SDK2: variants seen among roughly 807,000 people sequenced by gnomAD.
The protein encoded by SDK2 is sidekick cell adhesion molecule 2.
A neutral mutation model predicts 253.9 loss-of-function variants in SDK2; 105 were observed. That is an observed-to-expected ratio of 0.41 (90% CI 0.35 to 0.49). SDK2 has a LOEUF of 0.49. Among genes scored for constraint, SDK2 ranks in the 20% least tolerant of loss-of-function variants. SDK2 has a pLI of 0.06. For synonymous variants in SDK2, 1,249 were observed against 1,234.9 expected (o/e 1.01, Z -0.24); for missense variants, 2,608 against 3,003.0 (o/e 0.87, Z 3.07).
At chr17:73,560,013 C>A (rs1264082289) in intron 1 of SDK2, among the ~76,000 whole-genome samples, 1 of 152,164 alleles carries the variant, frequency 6.6e-6, no homozygotes, top group Non-Finnish European at 1.5e-5. Context: ...TGGGCCATCA[C>A]ACCACGGGAA....
chr17:73,445,259 T>G (rs1351104222), intron 5 of SDK2, among the ~76,000 whole-genome samples: 1 of 152,226 alleles, frequency 6.6e-6, no homozygotes, highest in Admixed American at 6.5e-5. Context: ...AACTTCTTGT[T>G]ATGTTGGGTT....
intron 2 of SDK2, among the ~76,000 whole-genome samples, chr17:73,506,519 C>T (rs983855579): frequency 1.3e-5 from 2 of 152,188 alleles, no homozygotes; most frequent in Non-Finnish European, 2.9e-5. Flanking sequence ...GCTGGTTCTC[C>T]AGAAGGACAG....
chr17:73,468,646 G>C (rs765633961), intron 3 of SDK2, among the ~76,000 whole-genome samples: 17 of 151,770 alleles, frequency 1.1e-4, no homozygotes, highest in Non-Finnish European at 2.4e-4. Flanking sequence ...CAATTAGCTG[G>C]GACTACAGGC....
At position 73,415,820 on chromosome 17, in the gene SDK2, G is replaced by A; in HGVS notation, c.2359C>T (p.Leu787=). Residue 787 remains leucine, a synonymous_variant, in exon 17 of 45, where the codon CTG becomes TTG. Transcript: ENST00000392650. Reference sequence around the variant, plus strand: ...CACAGTCTCTACCTACCTCCCTGCAGCGTCCACTCGGTGACTTTACTGCTG... The same window carrying A: ...CACAGTCTCTACCTACCTCCCTGCAACGTCCACTCGGTGACTTTACTGCTG... ...VYSSKVTEWT[L]QGVPTVPPGN... The A allele has an allele frequency of 1.9e-6, 3 of 1,552,536 alleles. No individual in the cohort carries two copies. The highest frequency in any genetic ancestry group is 2.6e-6 in the Non-Finnish European group (3 of 1,147,452).
rs975256339 is a variant in SDK2 at position 73,447,360 on chromosome 17, C to T, written c.613+255G>A. ...CCTGGTAGCCCTGCTAACAGTTGTG[C>T]TAAGCATCCTCTCTACCGATGCAGG... On this transcript the variant is annotated intron_variant, in intron 5 of 44. Transcript: ENST00000392650. This position sits in a 1 kb window ranked among gnomAD's most constrained non-coding sequence, Gnocchi z 4.0. Among the ~76,000 whole-genome samples, 2 of 152,144 alleles carry T rather than the reference C, an allele frequency of 1.3e-5. No individual in the cohort carries two copies. The highest frequency in any genetic ancestry group is 4.8e-5 in the African/African-American group (2 of 41,426).
At chr17:73,364,867 C>A (rs1269744953) in intron 38 of SDK2, among the ~76,000 whole-genome samples, 4 of 152,156 alleles carry the variant, frequency 2.6e-5, no homozygotes, top group African/African-American at 9.7e-5. Flanking sequence ...AGGTGATCCA[C>A]CCGCCTCAGC....
intron 1 of SDK2, among the ~76,000 whole-genome samples, chr17:73,550,335 G>T (rs1173277813): frequency 2.0e-5 from 3 of 152,324 alleles, no homozygotes; most frequent in Admixed American, 2.0e-4. Context: ...TACGTCCCCA[G>T]GAAGGGACCC....
intron 3 of SDK2, among the ~76,000 whole-genome samples, chr17:73,469,320 G>C (rs575724973): frequency 6.6e-6 from 1 of 152,314 alleles, no homozygotes; most frequent in Non-Finnish European, 1.5e-5. Flanking sequence ...GCATCACCCA[G>C]GGTGGTCCAG....
At chr17:73,601,782 C>A (rs547993861) in intron 1 of SDK2, among the ~76,000 whole-genome samples, 3 of 151,124 alleles carry the variant, frequency 2.0e-5, no homozygotes, top group Admixed American at 2.0e-4. Flanking sequence ...CCTGCTTTTT[C>A]GCCCAGGCTG....
At chr17:73,350,896 G>A (rs1382922308) in intron 41 of SDK2, 106 bp from the exon 42 acceptor site, 1 of 1,202,154 alleles carries the variant, frequency 8.3e-7, no homozygotes, top group East Asian at 2.4e-5. Flanking sequence ...TGGGAAGGCA[G>A]GGTCTGTACC....
chr17:73,577,545 C>T (rs2045473704), intron 1 of SDK2, among the ~76,000 whole-genome samples: 1 of 152,116 alleles, frequency 6.6e-6, no homozygotes, highest in African/African-American at 2.4e-5. Flanking sequence ...CTGTTTATAT[C>T]ACAGGTCAGT....
chr17:73,390,006 C>T (rs933611489), intron 29 of SDK2, among the ~76,000 whole-genome samples: 3 of 152,200 alleles, frequency 2.0e-5, no homozygotes, highest in African/African-American at 7.2e-5. Flanking sequence ...GCCTTGGCCT[C>T]CCAAAGTGCT....
Position 73,350,789 on chromosome 17 carries a change from G to A in SDK2, c.5760C>T (p.Ala1920=). Residue 1920 remains alanine, a splice_region_variant and synonymous_variant, in exon 42 of 45, where the codon GCC becomes GCT. Transcript: ENST00000392650. The stretch of plus-strand genomic sequence containing the variant: ...CCTCATAGAAGGGGTTGGCTTTCTG[G>A]GCTGGAGCACAGATAGTCAGGTATA... ...TPSSPSQSVP[A]QKANPFYEEW... The A allele has an allele frequency of 1.2e-6, 2 of 1,608,610 alleles. No individual in the cohort carries two copies. The highest frequency in any genetic ancestry group is 1.7e-6 in the Non-Finnish European group (2 of 1,178,014).
intron 32 of SDK2, among the ~76,000 whole-genome samples, chr17:73,385,287 C>T (rs1407006993): frequency 4.6e-5 from 7 of 152,186 alleles, no homozygotes; most frequent in African/African-American, 1.7e-4. Context: ...CCATGGTCTT[C>T]CCCAGGCCAT....
At chr17:73,550,801 T>C (rs1016116048) in intron 1 of SDK2, among the ~76,000 whole-genome samples, 2 of 152,150 alleles carry the variant, frequency 1.3e-5, no homozygotes, top group Non-Finnish European at 2.9e-5. Flanking sequence ...ACAAGAGGCC[T>C]CTACCATCCC....
chr17:73,387,514 G>T (rs564840096), intron 30 of SDK2, among the ~76,000 whole-genome samples: 1 of 152,174 alleles, frequency 6.6e-6, no homozygotes, highest in Non-Finnish European at 1.5e-5. Flanking sequence ...ATTAAAGCTG[G>T]AGAGGAAGAT....
chr17:73,366,828 C>T (rs145617794), intron 37 of SDK2, among the ~76,000 whole-genome samples: 123 of 152,156 alleles, frequency 8.1e-4, no homozygotes, highest in African/African-American at 2.0e-3. Flanking sequence ...TTCTCACCAG[C>T]GCCCTCTCCT....
In SDK2 at chr17:73,338,702, G is replaced by A; in HGVS notation, c.6404C>T (p.Pro2135Leu). Residue 2135 changes from proline to leucine, a missense_variant, in exon 45 of 45, where the codon CCA becomes CTA. Pro to Leu is a moderately conservative substitution (Grantham distance 98). Coordinates refer to ENST00000392650, the MANE Select transcript of SDK2 (RefSeq NM_001144952.2). The surrounding 1 kb of genome is among the most constrained non-coding windows in gnomAD (Gnocchi z 5.0). ...SLFRPKASRT[P>L]TPQNPPNPPS... ...GGGGTTAGGGGGGTTCTGGGGCGTTGGAGTCCGACTGGCCTTGGGCCGAAA... is the reference window on the plus strand; with the variant it reads ...GGGGTTAGGGGGGTTCTGGGGCGTTAGAGTCCGACTGGCCTTGGGCCGAAA... 1.2e-6 allele frequency: 2 copies of A among 1,608,942 alleles called. No individual in the cohort carries two copies. The highest frequency in any genetic ancestry group is 2.2e-5 in the East Asian group (1 of 44,786).
chr17:73,358,422 A>T (rs1277082585), intron 39 of SDK2, among the ~76,000 whole-genome samples: 2 of 152,148 alleles, frequency 1.3e-5, no homozygotes, highest in African/African-American at 4.8e-5. Flanking sequence ...TCCATATTCC[A>T]AATCCCAGGG....
Sources: allele counts gnomAD v4.1 joint callset (sites outside exome capture counted in the v4.1 genomes callset), GRCh38; gene constraint gnomAD v4.1.1; non-coding constraint Gnocchi (gnomAD v3.1); transcripts MANE v1.5; gene names NCBI Gene and HGNC (gene_info 2026-07-23, HGNC 2026-07-21).